ZBTB8OS: variants seen among roughly 807,000 people sequenced by gnomAD.
ZBTB8OS encodes the protein tRNA splicing ligase complex subunit 1, also known as tRNA-splicing ligase-activating factor archease.
Under a neutral mutation model 29.3 loss-of-function variants are expected in ZBTB8OS, and 16 were observed. The observed-to-expected ratio is 0.55, with a 90% confidence interval of 0.37 to 0.83. ZBTB8OS has a LOEUF of 0.83. ZBTB8OS is among the 40% of genes least tolerant of loss of function. The pLI is 0.00. For synonymous variants in ZBTB8OS, 70 were observed against 64.6 expected (o/e 1.08, Z -0.40); for missense variants, 160 against 196.9 (o/e 0.81, Z 1.12).
chr1:32,625,529 G>A (rs1278154069), intron 6 of ZBTB8OS, among the ~76,000 whole-genome samples: 2 of 147,434 alleles, frequency 1.4e-5, no homozygotes, highest in African/African-American at 5.2e-5. Context: ...ATGAGACTCC[G>A]TCTCAAAAAC....
intron 5 of ZBTB8OS, among the ~76,000 whole-genome samples, chr1:32,630,163 A>T (rs1645436616): frequency 6.6e-6 from 1 of 152,196 alleles, no homozygotes. Context: ...TTCAATATAA[A>T]ATGGGGCCAC....
At chr1:32,623,418 G>T in intron 6 of ZBTB8OS, among the ~76,000 whole-genome samples, 1 of 152,114 alleles carries the variant, frequency 6.6e-6, no homozygotes. Flanking sequence ...CTCCTCTAGT[G>T]ATCATTCCTC....
chr1:32,650,399 T>C, intron 1 of ZBTB8OS, 34 bp downstream of exon 1: 1 of 1,613,580 alleles, frequency 6.2e-7, no homozygotes, highest in African/African-American at 1.3e-5. Flanking sequence ...CCTGTGTGCT[T>C]ACATGTAAAG....
intron 1 of ZBTB8OS, among the ~76,000 whole-genome samples, chr1:32,638,815 G>A (rs1276924810): frequency 1.3e-5 from 2 of 151,918 alleles, no homozygotes; most frequent in Non-Finnish European, 2.9e-5. Flanking sequence ...TTGGGAGGCT[G>A]AAGCATGAAA....
At chr1:32,628,080 C>T (rs1262182685) in intron 5 of ZBTB8OS, among the ~76,000 whole-genome samples, 3 of 152,094 alleles carry the variant, frequency 2.0e-5, no homozygotes, top group Admixed American at 2.0e-4. Flanking sequence ...CGCGGTGGCT[C>T]ATGCCTGTAA....
chr1:32,650,789 A>C (rs1027963797), upstream of ZBTB8OS: 1 of 573,684 alleles, frequency 1.7e-6, no homozygotes, highest in African/African-American at 1.9e-5. Context: ...GGGCACCTTG[A>C]ATGAAACCCG....
rs187402381 is a variant in ZBTB8OS, at chr1:32,624,778, C to T, written c.417+2730G>A. ...CTGTGGTGGCATACACCTGTAATCCCAGCTACTCAGGAGGCAGAGACAGGA... is the reference window on the plus strand; with the variant it reads ...CTGTGGTGGCATACACCTGTAATCCTAGCTACTCAGGAGGCAGAGACAGGA... On this transcript the variant is annotated intron_variant, in intron 6 of 6. Coordinates refer to ENST00000468695, the MANE Select transcript of ZBTB8OS (RefSeq NM_178547.5). Among the ~76,000 whole-genome samples the T allele has an allele frequency of 3.8e-3, 573 of 151,690 alleles. 3 individuals are homozygous for T. The highest frequency in any genetic ancestry group is 0.027 in the Middle Eastern group (8 of 292).
At chr1:32,635,875 C>A (rs772881574) in intron 1 of ZBTB8OS, among the ~76,000 whole-genome samples, 6 of 152,154 alleles carry the variant, frequency 3.9e-5, no homozygotes, top group Non-Finnish European at 8.8e-5. Flanking sequence ...CCCTTCTTGC[C>A]TGGGGACCAA....
intron 1 of ZBTB8OS, among the ~76,000 whole-genome samples, chr1:32,647,082 G>A (rs1325219594): frequency 2.3e-5 from 3 of 129,436 alleles, no homozygotes; most frequent in Non-Finnish European, 4.8e-5. Flanking sequence ...AATGCCAGGC[G>A]TGGTGGCTTA....
intron 2 of ZBTB8OS, chr1:32,634,389 G>T (rs532019295): frequency 3.2e-6 from 1 of 310,754 alleles, no homozygotes; most frequent in Non-Finnish European, 5.9e-6. Context: ...ACCAGACCCG[G>T]CTAATTTTTG....
chr1:32,628,853 T>A (rs746760810), intron 5 of ZBTB8OS, among the ~76,000 whole-genome samples: 10 of 151,160 alleles, frequency 6.6e-5, no homozygotes, highest in Non-Finnish European at 1.3e-4. Context: ...CAAGAATGGT[T>A]TGAATCTGGG....
intron 1 of ZBTB8OS, among the ~76,000 whole-genome samples, chr1:32,636,300 G>A (rs74745660): frequency 0.067 from 10,146 of 152,246 alleles, 1,115 homozygotes; most frequent in African/African-American, 0.23. Context: ...CCAGCTCTGC[G>A]TAAATTAGTC....
Position 32,650,523 on chromosome 1 carries a change from G to A in ZBTB8OS, c.7C>T (p.Gln3Ter). 6.2e-7 allele frequency: 1 copy of A among 1,613,988 alleles called. No homozygotes were observed. Among genetic ancestry groups the A allele is most frequent in the Non-Finnish European group, 8.5e-7 (1 of 1,180,010 alleles). ...TAATCTCTAACATCTTCCTCTTCCT[G>A]CGCCATGACTGCAGGATTAGACACT... MA[Q>*]EEEDVRDYNL... Residue 3 changes from glutamine (Q) to a stop codon, truncating the protein, a stop_gained, in exon 1 of 7, where the codon CAG becomes TAG. Transcript: ENST00000468695. LOFTEE classifies it high-confidence loss of function.
chr1:32,647,139 G>C (rs1388509496), intron 1 of ZBTB8OS, among the ~76,000 whole-genome samples: 1 of 147,722 alleles, frequency 6.8e-6, no homozygotes, highest in Non-Finnish European at 1.5e-5. Flanking sequence ...CGGATCACCT[G>C]AGATTGGAAG....
At chr1:32,632,587 G>GT (rs1328153685) in intron 4 of ZBTB8OS, among the ~76,000 whole-genome samples, 4 of 151,862 alleles carry the variant, frequency 2.6e-5, no homozygotes, top group Non-Finnish European at 5.9e-5. Context: ...GATAATTATT[G>GT]TTTTTTTGTT....
rs574950500 is a variant in ZBTB8OS at position 32,622,444 on chromosome 1, CCATTATCCTAAGTGAATT to C, written c.418-514_418-497del. Among the ~76,000 whole-genome samples the C allele has an allele frequency of 2.1e-4, 32 of 152,250 alleles. No homozygotes were observed. In the South Asian group the frequency reaches 3.9e-3, roughly 19 times the overall value. On this transcript the variant is annotated intron_variant, in intron 6 of 6. Coordinates refer to ENST00000468695, the MANE Select transcript of ZBTB8OS (RefSeq NM_178547.5). ...GCAACAACGTGGATGGAGCTGGAGGCCATTATCCTAAGTGAATTCATGCAGGAGCAGAAAATCAAATAC... is the reference window on the plus strand; with the variant it reads ...GCAACAACGTGGATGGAGCTGGAGGCCATGCAGGAGCAGAAAATCAAATAC...
Position 32,641,679 on chromosome 1 carries a change from C to T in ZBTB8OS, c.98-6887G>A, listed in dbSNP as rs1280391419. 2.7e-5 allele frequency among the ~76,000 whole-genome samples: 4 copies of T among 149,200 alleles called. No individual in the cohort carries two copies. In the East Asian group the frequency reaches 6.1e-4, roughly 23 times the overall value. On this transcript the variant is annotated intron_variant, in intron 1 of 6. Coordinates refer to ENST00000468695, the MANE Select transcript of ZBTB8OS (RefSeq NM_178547.5). ...CTGTAATCCCAGCACTTTGGGAGGCCGAGGCGGGCGGATCACGAGATCAGC... is the reference window on the plus strand; with the variant it reads ...CTGTAATCCCAGCACTTTGGGAGGCTGAGGCGGGCGGATCACGAGATCAGC...
At position 32,633,744 on chromosome 1, in the gene ZBTB8OS, AG is replaced by A; in HGVS notation, c.245-18del. The stretch of plus-strand genomic sequence containing the variant: ...AGTCATCTCCTACACAAGATCAAAT[AG>A]TATATTTAATAATTCTGGTCTCTAA... On this transcript the variant is annotated intron_variant, in intron 3 of 6. Coordinates refer to ENST00000468695, the MANE Select transcript of ZBTB8OS (RefSeq NM_178547.5). The A allele has an allele frequency of 6.4e-7, 1 of 1,563,312 alleles. No homozygotes were observed. Among genetic ancestry groups the A allele is most frequent in the Non-Finnish European group, 8.7e-7 (1 of 1,154,286 alleles).
At chr1:32,639,887 C>T (rs746975151) in intron 1 of ZBTB8OS, 37 of 152,108 alleles carry the variant, frequency 2.4e-4, no homozygotes, top group Non-Finnish European at 3.4e-4. Context: ...AAAATCCAAC[C>T]TCACAAATAT....
Sources: allele counts gnomAD v4.1 joint callset (sites outside exome capture counted in the v4.1 genomes callset), GRCh38; gene constraint gnomAD v4.1.1; transcripts MANE v1.5; gene names NCBI Gene and HGNC (gene_info 2026-07-23, HGNC 2026-07-21).